The following CFAP299 variants were observed in gnomAD, a reference collection of about 807,000 sequenced individuals.
CFAP299 encodes the protein cilia- and flagella-associated protein 299.
Under a neutral mutation model 27.0 loss-of-function variants are expected in CFAP299, and 21 were observed. The observed-to-expected ratio is 0.78, with a 90% CI of 0.55 to 1.12. The LOEUF (loss-of-function observed/expected upper bound fraction) is 1.12. Ranked by LOEUF, CFAP299 falls within the 50% of genes most tolerant of loss-of-function variation. CFAP299 has a pLI of 0.00. For synonymous variants in CFAP299, 104 were observed against 98.1 expected (o/e 1.06, Z -0.36); for missense variants, 310 against 276.6 (o/e 1.12, Z -0.86).
chr4:80,437,742 G>A (rs571361319), intron 2 of CFAP299, among the ~76,000 whole-genome samples: 30 of 152,268 alleles, frequency 2.0e-4, no homozygotes, highest in African/African-American at 6.7e-4. Flanking sequence ...GTGTAGAAAT[G>A]CAAGAGACCC....
At chr4:80,713,382 G>C (rs966485447) in intron 3 of CFAP299, among the ~76,000 whole-genome samples, 7 of 152,146 alleles carry the variant, frequency 4.6e-5, no homozygotes, top group African/African-American at 1.4e-4. Flanking sequence ...AAACTTTACA[G>C]TAAGATGCCA....
intron 2 of CFAP299, among the ~76,000 whole-genome samples, chr4:80,529,267 A>G (rs1002999775): frequency 6.6e-6 from 1 of 151,960 alleles, no homozygotes; most frequent in Non-Finnish European, 1.5e-5. Context: ...CTCTCTTCCA[A>G]TCCTTTCCTG....
At chr4:80,693,463 C>T (rs1405389000) in intron 3 of CFAP299, among the ~76,000 whole-genome samples, 4 of 148,408 alleles carry the variant, frequency 2.7e-5, no homozygotes, top group Admixed American at 6.9e-5. Flanking sequence ...AACCAAACAC[C>T]GCATATTCTC....
chr4:80,833,131 A>C (rs1730386587), intron 3 of CFAP299, among the ~76,000 whole-genome samples: 1 of 152,188 alleles, frequency 6.6e-6, no homozygotes, highest in South Asian at 2.1e-4. Context: ...TATACAAAAC[A>C]GATTTTGCAG....
chr4:80,327,045 T>C, the CFAP299 span, among the ~76,000 whole-genome samples: 1 of 152,192 alleles, frequency 6.6e-6, no homozygotes, highest in East Asian at 1.9e-4. Flanking sequence ...ACGTTATCTT[T>C]ACTACATAGA....
chr4:80,869,667 C>T (rs1322088403), intron 3 of CFAP299, among the ~76,000 whole-genome samples: 1 of 152,158 alleles, frequency 6.6e-6, no homozygotes, highest in African/African-American at 2.4e-5. Context: ...GCGCCCTCCA[C>T]CACGCCCGGC....
chr4:80,326,043 C>T, the CFAP299 span, among the ~76,000 whole-genome samples: 2 of 152,116 alleles, frequency 1.3e-5, no homozygotes, highest in African/African-American at 4.8e-5. Context: ...ATTTCCATTT[C>T]CTGTTTATTT....
intron 3 of CFAP299, among the ~76,000 whole-genome samples, chr4:80,810,865 A>G (rs183084333): frequency 1.3e-5 from 2 of 152,214 alleles, no homozygotes; most frequent in East Asian, 1.9e-4. Context: ...CACTTCACTG[A>G]TTAAATCACT....
At chr4:80,808,398 C>T (rs925792368) in intron 3 of CFAP299, among the ~76,000 whole-genome samples, 12 of 152,014 alleles carry the variant, frequency 7.9e-5, no homozygotes, top group Admixed American at 2.6e-4. Flanking sequence ...CTAAACATAG[C>T]GCTGTGATGT....
At chr4:80,668,285 G>T (rs1016432464) in intron 3 of CFAP299, among the ~76,000 whole-genome samples, 5 of 151,770 alleles carry the variant, frequency 3.3e-5, no homozygotes, top group Admixed American at 3.3e-4. Context: ...ATGTTTTCCC[G>T]CTGTGCAGAA....
chr4:80,677,339 CATT>C (rs1473098047), intron 3 of CFAP299, among the ~76,000 whole-genome samples: 1 of 151,904 alleles, frequency 6.6e-6, no homozygotes, highest in Non-Finnish European at 1.5e-5. Context: ...CTTTTGACTG[CATT>C]ATTTTCTGTT....
intron 3 of CFAP299, among the ~76,000 whole-genome samples, chr4:80,755,184 G>A (rs1471596576): frequency 1.3e-5 from 2 of 151,940 alleles, no homozygotes; most frequent in Non-Finnish European, 2.9e-5. Flanking sequence ...TTATGTAATA[G>A]AAATAATCTG....
At position 80,860,630 on chromosome 4, in the gene CFAP299, A is replaced by G. The variant is rs1213839162; in HGVS notation, c.334-9363A>G. Among the ~76,000 whole-genome samples the G allele has an allele frequency of 4.6e-5, 7 of 152,324 alleles. No individual in the cohort carries two copies. In the South Asian group the frequency reaches 1.2e-3, roughly 27 times the overall value. ...TTTGTTAGTTTTCCTTCTAACAGAC[A>G]GAACCTTCAGCTGCAGGTCTGTTGG... On this transcript the variant is annotated intron_variant, in intron 3 of 5. Transcript: ENST00000358105.
chr4:80,689,502 T>C (rs1720495811), intron 3 of CFAP299, among the ~76,000 whole-genome samples: 2 of 152,206 alleles, frequency 1.3e-5, no homozygotes, highest in African/African-American at 2.4e-5. Flanking sequence ...TGAGAGATTT[T>C]GTCACCACCA....
At chr4:80,853,352 G>C (rs996598778) in intron 3 of CFAP299, among the ~76,000 whole-genome samples, 6 of 152,148 alleles carry the variant, frequency 3.9e-5, no homozygotes, top group African/African-American at 1.4e-4. Context: ...TTAAAATGAA[G>C]TAAAGCATAA....
intron 2 of CFAP299, among the ~76,000 whole-genome samples, chr4:80,461,300 A>AT (rs1379814146): frequency 6.6e-6 from 1 of 152,158 alleles, no homozygotes; most frequent in Non-Finnish European, 1.5e-5. Context: ...CAGAACGTAG[A>AT]TTTTCCCCAC....
At chr4:80,452,005 G>T (rs1398255532) in intron 2 of CFAP299, among the ~76,000 whole-genome samples, 2 of 152,120 alleles carry the variant, frequency 1.3e-5, no homozygotes, top group Admixed American at 1.3e-4. Flanking sequence ...CTTGAGTTTG[G>T]AACAGTTGAT....
intron 3 of CFAP299, among the ~76,000 whole-genome samples, chr4:80,843,017 T>C (rs1326762856): frequency 6.6e-6 from 1 of 151,922 alleles, no homozygotes; most frequent in Non-Finnish European, 1.5e-5. Flanking sequence ...GGGCAACATC[T>C]TTTCACTATT....
chr4:80,547,382 A>G (rs150758289), intron 2 of CFAP299, among the ~76,000 whole-genome samples: 2 of 152,192 alleles, frequency 1.3e-5, no homozygotes, highest in East Asian at 3.8e-4. Context: ...TCAACTCAAG[A>G]TGAATTAAAA....
Sources: allele counts gnomAD v4.1 joint callset (sites outside exome capture counted in the v4.1 genomes callset), GRCh38; gene constraint gnomAD v4.1.1; transcripts MANE v1.5; gene names NCBI Gene and HGNC (gene_info 2026-07-23, HGNC 2026-07-21).